AGK: variants seen among roughly 807,000 people sequenced by gnomAD.
AGK encodes acylglycerol kinase, also known as acylglycerol kinase, mitochondrial.
In AGK, 52 loss-of-function variants were observed where a neutral mutation model predicts 66.4. That is an observed-to-expected ratio of 0.78 (90% CI 0.63 to 0.99). AGK has a LOEUF of 0.99. Ranked by LOEUF, AGK falls within the 50% of genes least tolerant of loss-of-function variation. The pLI is 0.00. For synonymous variants in AGK, 182 were observed against 181.1 expected, an observed-to-expected ratio of 1.00 and a Z score of -0.04; for missense variants, 451 against 506.6, an observed-to-expected ratio of 0.89 and a Z score of 1.05.
intron 9 of AGK, among the ~76,000 whole-genome samples, chr7:141,629,510 T>C (rs1286849205): frequency 6.6e-6 from 1 of 152,204 alleles, no homozygotes; most frequent in Non-Finnish European, 1.5e-5. Flanking sequence ...CCATCTGACC[T>C]TGCATGCTTT....
chr7:141,557,585 G>C (rs1438078693), intron 2 of AGK, among the ~76,000 whole-genome samples: 1 of 152,180 alleles, frequency 6.6e-6, no homozygotes, highest in Non-Finnish European at 1.5e-5. Context: ...ACCATGATAA[G>C]TTCTTGCCCA....
At chr7:141,636,656 G>T (rs1317751185) in intron 10 of AGK, among the ~76,000 whole-genome samples, 1 of 152,116 alleles carries the variant, frequency 6.6e-6, no homozygotes, top group Non-Finnish European at 1.5e-5. Flanking sequence ...TGTATTCTAT[G>T]GCTTAAAGGA....
At chr7:141,596,133 A>T (rs541485019) in intron 3 of AGK, among the ~76,000 whole-genome samples, 1 of 152,340 alleles carries the variant, frequency 6.6e-6, no homozygotes, top group African/African-American at 2.4e-5. Context: ...GTGTGTAAAC[A>T]TATGAAGATT....
rs1303243853 is a variant in AGK, at chr7:141,654,850, A to G, written c.*1926A>G. ...ATTACAGAACAGCTATGAAAAGTCC[A>G]TGAATGAAGATCACAAAAAGGAAGG... On this transcript the variant is annotated 3_prime_UTR_variant, in exon 16 of 16. Transcript: ENST00000649286. 6.6e-6 allele frequency: 1 copy of G among 152,268 alleles called. No homozygotes were observed. The highest frequency in any genetic ancestry group is 2.4e-5 in the African/African-American group (1 of 41,466). The allele number at this position is 152,268 out of a possible 1,614,324, so 9.4% of individuals were successfully genotyped here.
intron 8 of AGK, among the ~76,000 whole-genome samples, chr7:141,619,000 G>A (rs1447327557): frequency 6.6e-6 from 1 of 152,026 alleles, no homozygotes; most frequent in African/African-American, 2.4e-5. Context: ...AACAAAATAT[G>A]TGTAAGATTT....
At chr7:141,554,634 C>A (rs1240291225) in intron 1 of AGK, among the ~76,000 whole-genome samples, 1 of 152,188 alleles carries the variant, frequency 6.6e-6, no homozygotes, top group African/African-American at 2.4e-5. Context: ...TCCTTACTCT[C>A]ATGGAGTTTA....
intron 4 of AGK, 139 bp downstream of exon 4, chr7:141,596,780 A>T: frequency 1.5e-6 from 1 of 683,206 alleles, no homozygotes; most frequent in Non-Finnish European, 2.5e-6. Context: ...TTCATTTGTA[A>T]TGTAGAAATA....
chr7:141,602,464 A>G (rs1481833075), intron 5 of AGK, among the ~76,000 whole-genome samples: 1 of 152,130 alleles, frequency 6.6e-6, no homozygotes, highest in East Asian at 1.9e-4. Flanking sequence ...CTAAATTTTC[A>G]AATTAATTGA....
intron 2 of AGK, among the ~76,000 whole-genome samples, chr7:141,572,450 C>T (rs768427033): frequency 6.6e-6 from 1 of 152,136 alleles, no homozygotes; most frequent in Admixed American, 6.5e-5. Context: ...GCTATGTGGC[C>T]TTTATCAAGT....
chr7:141,609,724 G>T (rs1007542250), intron 5 of AGK, among the ~76,000 whole-genome samples: 3 of 152,180 alleles, frequency 2.0e-5, no homozygotes, highest in Non-Finnish European at 4.4e-5. Context: ...GGGGCTAAAA[G>T]TTCCAACCCT....
At chr7:141,641,454 A>G in intron 12 of AGK, 56 bp downstream of exon 12, 2 of 1,545,486 alleles carry the variant, frequency 1.3e-6, no homozygotes, top group South Asian at 1.2e-5. Flanking sequence ...GAAGTGCCCT[A>G]AAGTAGACCT....
intron 2 of AGK, among the ~76,000 whole-genome samples, chr7:141,563,991 C>T (rs942537012): frequency 6.6e-6 from 1 of 152,156 alleles, no homozygotes; most frequent in Non-Finnish European, 1.5e-5. Flanking sequence ...GATGGGATCT[C>T]GCTCTGTCAC....
At chr7:141,616,903 G>A (rs985985706) in intron 8 of AGK, among the ~76,000 whole-genome samples, 3 of 151,590 alleles carry the variant, frequency 2.0e-5, no homozygotes, top group South Asian at 2.1e-4. Context: ...GACTACAGGC[G>A]CCCGCCACCA....
At chr7:141,652,170 ATATTACTGTATT>A (rs1394147782) in intron 15 of AGK, among the ~76,000 whole-genome samples, 1 of 152,228 alleles carries the variant, frequency 6.6e-6, no homozygotes, top group Non-Finnish European at 1.5e-5. Flanking sequence ...ATGTGGCCAT[ATATTACTGTATT>A]CAGACAAGAC....
intron 12 of AGK, among the ~76,000 whole-genome samples, 191 bp downstream of exon 12, chr7:141,641,589 G>C (rs1797291155): frequency 6.6e-6 from 1 of 152,294 alleles, no homozygotes; most frequent in East Asian, 1.9e-4. Context: ...AGCAGTCTCT[G>C]TGCACAGTCT....
chr7:141,580,634 A>G (rs1352384555), intron 2 of AGK, among the ~76,000 whole-genome samples: 2 of 152,082 alleles, frequency 1.3e-5, no homozygotes, highest in Non-Finnish European at 2.9e-5. Context: ...TGAGAGCTGT[A>G]GAGAGTGAGT....
At position 141,653,067 on chromosome 7, in the gene AGK, G is replaced by A. The variant is rs1797604333; in HGVS notation, c.*143G>A. The stretch of plus-strand genomic sequence containing the variant: ...CAAGTACCCCTCTGCCCCCACTCCA[G>A]CAGTGCTTCCCAAAGTGTGCTCTGT... On this transcript the variant is annotated 3_prime_UTR_variant, in exon 16 of 16. Coordinates refer to ENST00000649286, the MANE Select transcript of AGK (RefSeq NM_018238.4). 1.1e-6 allele frequency: 1 copy of A among 914,572 alleles called. No individual in the cohort carries two copies. Among genetic ancestry groups the A allele is most frequent in the Admixed American group, 2.7e-5 (1 of 37,618 alleles). 56.7% of individuals were successfully genotyped at this position (914,572 alleles called of 1,614,324 possible).
chr7:141,589,424 T>G (rs561637190), intron 2 of AGK, among the ~76,000 whole-genome samples: 1 of 152,340 alleles, frequency 6.6e-6, no homozygotes, highest in South Asian at 2.1e-4. Flanking sequence ...TTTCAGAGCT[T>G]GCTATAGATC....
chr7:141,600,936 A>G (rs997535534), intron 4 of AGK, among the ~76,000 whole-genome samples: 8 of 152,186 alleles, frequency 5.3e-5, no homozygotes, highest in Non-Finnish European at 1.2e-4. Flanking sequence ...CCCTAGAGGA[A>G]CTACTTTGTG....
Sources: gnomAD v4.1 joint callset for allele counts (sites outside exome capture counted in the v4.1 genomes callset) on GRCh38, gnomAD v4.1.1 for gene constraint, MANE v1.5 for transcripts, NCBI Gene and HGNC (gene_info 2026-07-23, HGNC 2026-07-21) for gene names.